MARCHF1: variants seen among roughly 807,000 people sequenced by gnomAD.
MARCHF1 encodes the protein E3 ubiquitin-protein ligase MARCHF1.
A neutral mutation model predicts 54.2 loss-of-function variants in MARCHF1; 40 were observed. The ratio of observed to expected loss-of-function variants is 0.74; its 90% CI spans 0.57 to 0.96. MARCHF1 has a LOEUF of 0.96. Among genes scored for constraint, MARCHF1 ranks in the 40% least tolerant of loss-of-function variants. The pLI is 0.00. For missense variants in MARCHF1, 586 were observed against 656.5 expected, an observed-to-expected ratio of 0.89 and a Z score of 1.17; for synonymous variants, 236 against 236.3, an observed-to-expected ratio of 1.00 and a Z score of 0.01.
rs1216808983 is a variant in MARCHF1 at position 163,886,132 on chromosome 4, G to GATAGATCTATAAATATGTAGATCTATAA, written c.-38-31991_-38-31964dup. 6.7e-5 allele frequency among the ~76,000 whole-genome samples: 10 copies of GATAGATCTATAAATATGTAGATCTATAA among 148,988 alleles called. No individual in the cohort carries two copies. The East Asian group carries it at 9.8e-4, about 15-fold the overall frequency. On this transcript the variant is annotated intron_variant, in intron 3 of 9. Transcript: ENST00000514618. ...GTAATTGGATATTTATATCTAGAGA[G>GATAGATCTATAAATATGTAGATCTATAA]ATAGATCTATAAATATGTAGATCTA...
intron 2 of MARCHF1, among the ~76,000 whole-genome samples, chr4:163,992,914 T>A (rs1000785692): frequency 3.9e-5 from 6 of 151,914 alleles, no homozygotes; most frequent in African/African-American, 9.7e-5. Context: ...AATATTTCAC[T>A]ACAAATCCCT....
Position 163,737,159 on chromosome 4 carries a change from TC to T in MARCHF1, c.112-36297del, listed in dbSNP as rs1186840407. Among the ~76,000 whole-genome samples the T allele has an allele frequency of 2.4e-3, 233 of 98,116 alleles. 6 individuals carry two copies. Among genetic ancestry groups the T allele is most frequent in the Middle Eastern group, 9.7e-3 (2 of 206 alleles). 64.4% of individuals were successfully genotyped at this position (98,116 alleles called of 152,430 possible). ...CACTTATCAGCGCTCGCAGCTTTTT[TC>T]TTTCTTTTTTTTTTTTTTTTTTCAC... On this transcript the variant is annotated intron_variant, in intron 4 of 9. Coordinates refer to ENST00000514618, the MANE Select transcript of MARCHF1 (RefSeq NM_001394959.1).
At chr4:163,885,913 ATATTT>A (rs1005653027) in intron 3 of MARCHF1, among the ~76,000 whole-genome samples, 23 of 149,024 alleles carry the variant, frequency 1.5e-4, no homozygotes, top group African/African-American at 4.9e-4. Flanking sequence ...TCTAATATAT[ATATTT>A]TATCTAGCTA....
At chr4:163,900,214 C>T (rs1027233136) in intron 3 of MARCHF1, among the ~76,000 whole-genome samples, 2 of 152,090 alleles carry the variant, frequency 1.3e-5, no homozygotes, top group African/African-American at 4.8e-5. Flanking sequence ...TGACTGATAA[C>T]AGCAGTCTCT....
chr4:164,338,366 C>A (rs1002233946), intron 1 of MARCHF1, among the ~76,000 whole-genome samples: 5 of 151,788 alleles, frequency 3.3e-5, no homozygotes, highest in Non-Finnish European at 7.4e-5. Context: ...TAAAAGAAAA[C>A]AAAGAATATG....
chr4:163,651,036 C>T (rs1371655562), intron 5 of MARCHF1, among the ~76,000 whole-genome samples: 1 of 151,864 alleles, frequency 6.6e-6, no homozygotes, highest in African/African-American at 2.4e-5. Flanking sequence ...AAAACAGTAT[C>T]CCAGTCTGAC....
rs757854624 is a variant in MARCHF1, at chr4:163,849,151, T to C, written c.111+4870A>G. ...AGACGTGATAGAGTGGCCCTCTAGA[T>C]TGAGACTGATTGGACTGTTGGAATC... On this transcript the variant is annotated intron_variant, in intron 4 of 9. Coordinates refer to ENST00000514618, the MANE Select transcript of MARCHF1 (RefSeq NM_001394959.1). 7.9e-4 allele frequency among the ~76,000 whole-genome samples: 120 copies of C among 152,184 alleles called. 3 individuals are homozygous for C. The highest frequency in any genetic ancestry group is 5.9e-4 in the Admixed American group (9 of 15,276).
intron 1 of MARCHF1, among the ~76,000 whole-genome samples, chr4:164,342,906 C>T (rs1561010073): frequency 6.6e-6 from 1 of 152,120 alleles, no homozygotes; most frequent in East Asian, 1.9e-4. Context: ...ACAAATGATG[C>T]ATGATCTTAC....
In MARCHF1 at chr4:163,974,662, G is replaced by T. The variant is rs931657498; in HGVS notation, c.-39+13839C>A. Among the ~76,000 whole-genome samples the T allele has an allele frequency of 3.3e-5, 5 of 152,248 alleles. No individual in the cohort carries two copies. In the East Asian group the frequency reaches 9.7e-4, roughly 29 times the overall value. The stretch of plus-strand genomic sequence containing the variant: ...TTATATAGTAAAAGAAATTATAATA[G>T]ATATATGGTACCTGAAAAAGTGCTA... On this transcript the variant is annotated intron_variant, in intron 3 of 9. Coordinates refer to ENST00000514618, the MANE Select transcript of MARCHF1 (RefSeq NM_001394959.1).
chr4:163,880,702 A>G (rs6821574), intron 3 of MARCHF1, among the ~76,000 whole-genome samples: 68,792 of 151,888 alleles, frequency 0.45, 16,058 homozygotes, highest in East Asian at 0.7. Flanking sequence ...AGACATAGAT[A>G]TTAACAGCAG....
intron 4 of MARCHF1, among the ~76,000 whole-genome samples, chr4:163,740,055 T>G (rs1301404754): frequency 6.6e-6 from 1 of 152,204 alleles, no homozygotes; most frequent in African/African-American, 2.4e-5. Context: ...ATAGGCACAC[T>G]GCATGATTGA....
chr4:163,670,921 T>C (rs1743714476), intron 5 of MARCHF1, among the ~76,000 whole-genome samples: 1 of 152,224 alleles, frequency 6.6e-6, no homozygotes, highest in East Asian at 1.9e-4. Flanking sequence ...TTGTTTTTAT[T>C]TCTGTTTATT....
At chr4:163,927,818 A>C (rs998604654) in intron 3 of MARCHF1, among the ~76,000 whole-genome samples, 19 of 151,972 alleles carry the variant, frequency 1.3e-4, no homozygotes, top group African/African-American at 4.6e-4. Flanking sequence ...GCCTAATTTT[A>C]AAATTAGCAT....
At chr4:163,806,418 G>A (rs1003774314) in intron 4 of MARCHF1, among the ~76,000 whole-genome samples, 3 of 152,244 alleles carry the variant, frequency 2.0e-5, no homozygotes, top group African/African-American at 7.2e-5. Context: ...TTTCCACCCA[G>A]CTTCTTTTCT....
chr4:164,086,181 T>C (rs1755188926), intron 2 of MARCHF1, among the ~76,000 whole-genome samples: 1 of 151,864 alleles, frequency 6.6e-6, no homozygotes, highest in South Asian at 2.1e-4. Context: ...GTAGGCTTTG[T>C]TTTTCAAATG....
intron 4 of MARCHF1, among the ~76,000 whole-genome samples, chr4:163,804,886 C>T (rs1748182271): frequency 6.6e-6 from 1 of 152,158 alleles, no homozygotes; most frequent in Non-Finnish European, 1.5e-5. Context: ...TCTTAGTCTC[C>T]TGTGTTTCAA....
At chr4:163,858,474 C>T (rs944322927) in intron 3 of MARCHF1, among the ~76,000 whole-genome samples, 6 of 152,030 alleles carry the variant, frequency 3.9e-5, no homozygotes, top group African/African-American at 1.2e-4. Flanking sequence ...AGAAAGTGCC[C>T]ACCTTCCCTA....
At chr4:164,371,594 C>T (rs77282133) in intron 1 of MARCHF1, among the ~76,000 whole-genome samples, 2,343 of 152,152 alleles carry the variant, frequency 0.015, 87 homozygotes, top group East Asian at 0.14. Flanking sequence ...TTAAGACAAT[C>T]TGCAAAAGAG....
intron 4 of MARCHF1, among the ~76,000 whole-genome samples, chr4:163,707,200 AAC>A (rs773952318): frequency 9.2e-5 from 14 of 152,086 alleles, no homozygotes; most frequent in Non-Finnish European, 1.5e-4. Flanking sequence ...CTAAGACACG[AAC>A]CAGAAACTAT....
Sources: allele counts gnomAD v4.1 joint callset (sites outside exome capture counted in the v4.1 genomes callset), GRCh38; gene constraint gnomAD v4.1.1; transcripts MANE v1.5; gene names NCBI Gene and HGNC (gene_info 2026-07-23, HGNC 2026-07-21).